The following NELL2 variants were observed in gnomAD, a reference collection of about 807,000 sequenced individuals.
NELL2 encodes neural EGFL like 2.
NELL2 carries 41 observed loss-of-function variants against 109.6 expected under a neutral mutation model. That is an observed-to-expected ratio of 0.37 (90% CI 0.29 to 0.49). The LOEUF (loss-of-function observed/expected upper bound fraction) is 0.49. NELL2 is among the 20% of genes least tolerant of loss of function. The probability of loss-of-function intolerance (pLI) is 0.98; values close to 1 mark genes in which losing one functional copy is unlikely to be tolerated. For synonymous variants in NELL2, 355 were observed against 344.7 expected, an observed-to-expected ratio of 1.03 and a Z score of -0.33; for missense variants, 900 against 1,008.3, an observed-to-expected ratio of 0.89 and a Z score of 1.45.
At position 44,779,676 on chromosome 12, in the gene NELL2, T is replaced by A; in HGVS notation, c.593A>T (p.His198Leu). The change falls in exon 5 of 20, where the codon CAT becomes CTT. Residue 198 changes from histidine (H) to leucine (L), a missense_variant. Coordinates refer to ENST00000429094, the MANE Select transcript of NELL2 (RefSeq NM_001145108.2). Reference protein sequence around the residue: ...TFWLGQRNNAHGYFKGIMQDV... With the variant: ...TFWLGQRNNALGYFKGIMQDV... ...GCCAAAAGATACCTTAAAATATCCA[T>A]GCGCATTATTTCTCTGTCCTAGCCA... The A allele has an allele frequency of 1.9e-6, 3 of 1,613,280 alleles. No individual in the cohort carries two copies. Among genetic ancestry groups the A allele is most frequent in the Non-Finnish European group, 2.5e-6 (3 of 1,179,296 alleles).
chr12:44,826,606 A>G (rs1943718112), intron 2 of NELL2, among the ~76,000 whole-genome samples: 1 of 152,268 alleles, frequency 6.6e-6, no homozygotes, highest in Non-Finnish European at 1.5e-5. Context: ...TTTTGAATAA[A>G]TAGGATTGTT....
At chr12:44,893,394 A>G (rs1945558149) in intron 1 of NELL2, among the ~76,000 whole-genome samples, 4 of 152,228 alleles carry the variant, frequency 2.6e-5, no homozygotes, top group African/African-American at 4.8e-5. Context: ...AGCCAAATTA[A>G]CCCTTAACAT....
At chr12:44,866,072 C>T (rs1372919348) in intron 2 of NELL2, among the ~76,000 whole-genome samples, 1 of 152,120 alleles carries the variant, frequency 6.6e-6, no homozygotes, top group South Asian at 2.1e-4. Context: ...GTCTCTTGCC[C>T]TTCTGCCATG....
chr12:44,838,734 C>G (rs1466701638), intron 2 of NELL2, among the ~76,000 whole-genome samples: 1 of 148,434 alleles, frequency 6.7e-6, no homozygotes, highest in Non-Finnish European at 1.5e-5. Flanking sequence ...TGCCAGATAA[C>G]CAGACATGTC....
chr12:44,889,229 A>G (rs1201267595), intron 1 of NELL2, among the ~76,000 whole-genome samples: 1 of 152,054 alleles, frequency 6.6e-6, no homozygotes, highest in Non-Finnish European at 1.5e-5. Context: ...AATAAGGTTT[A>G]CCAAACAGCA....
chr12:44,799,313 G>C (rs186466181), intron 3 of NELL2, among the ~76,000 whole-genome samples: 2 of 151,954 alleles, frequency 1.3e-5, no homozygotes, highest in Admixed American at 6.6e-5. Flanking sequence ...AATACAGTAA[G>C]ATCCCACTTC....
intron 9 of NELL2, among the ~76,000 whole-genome samples, chr12:44,743,009 C>G (rs1765925210): frequency 2.0e-5 from 3 of 151,900 alleles, no homozygotes; most frequent in Non-Finnish European, 1.5e-5. Context: ...TCAGATTCAC[C>G]AAAGTTGAAA....
chr12:44,902,357 C>T (rs1037858874), intron 1 of NELL2, among the ~76,000 whole-genome samples: 1 of 152,072 alleles, frequency 6.6e-6, no homozygotes, highest in Non-Finnish European at 1.5e-5. Context: ...ATGTGAAGGA[C>T]CTCTTCAAGG....
intron 2 of NELL2, among the ~76,000 whole-genome samples, chr12:44,830,858 A>G (rs1037136781): frequency 6.6e-6 from 1 of 151,984 alleles, no homozygotes; most frequent in Non-Finnish European, 1.5e-5. Context: ...AGGCTTTGAT[A>G]TTCTGTCAGG....
chr12:44,751,523 A>G (rs1357933730), intron 9 of NELL2, among the ~76,000 whole-genome samples: 1 of 152,208 alleles, frequency 6.6e-6, no homozygotes, highest in Non-Finnish European at 1.5e-5. Flanking sequence ...CATTTTCAAA[A>G]AGCATGTCTG....
Position 44,674,900 on chromosome 12 carries a change from G to C in NELL2, c.1319-9291C>G, listed in dbSNP as rs566307365. On this transcript the variant is annotated intron_variant, in intron 12 of 19. Transcript: ENST00000429094. ...TTATTAAGTTTTTTTTAATATATCT[G>C]CTAGCTATGTCCTTTGGAATATAAG... is the stretch of plus-strand genomic sequence containing the variant. Among the ~76,000 whole-genome samples, 20 of 152,240 alleles carry C rather than the reference G, an allele frequency of 1.3e-4. No individual in the cohort carries two copies. The East Asian group carries it at 2.1e-3, about 16-fold the overall frequency.
intron 15 of NELL2, among the ~76,000 whole-genome samples, chr12:44,539,737 T>C (rs1592088590): frequency 6.6e-6 from 1 of 152,228 alleles, no homozygotes; most frequent in African/African-American, 2.4e-5. Context: ...ATTAATTTAA[T>C]GTTTATCTCT....
At chr12:44,789,289 C>T (rs894128183) in intron 3 of NELL2, among the ~76,000 whole-genome samples, 4 of 152,188 alleles carry the variant, frequency 2.6e-5, no homozygotes, top group South Asian at 2.1e-4. Flanking sequence ...AGACGATTCA[C>T]ATCACAGGAC....
intron 9 of NELL2, among the ~76,000 whole-genome samples, chr12:44,744,927 G>C (rs1234940527): frequency 6.6e-6 from 1 of 152,184 alleles, no homozygotes; most frequent in African/African-American, 2.4e-5. Context: ...AATAGAAAAA[G>C]AGGGAATCCT....
intron 13 of NELL2, among the ~76,000 whole-genome samples, chr12:44,618,237 T>C (rs1421394457): frequency 6.6e-6 from 1 of 152,182 alleles, no homozygotes; most frequent in Non-Finnish European, 1.5e-5. Flanking sequence ...TAATTCACTA[T>C]TTAAGTTTCT....
chr12:44,776,987 T>C (rs868521922), intron 7 of NELL2, 55 bp downstream of exon 7: 18 of 1,445,624 alleles, frequency 1.2e-5, no homozygotes, highest in Middle Eastern at 1.7e-4. Context: ...AATGGAAGTA[T>C]TGGGAACATC....
intron 4 of NELL2, 33 bp downstream of exon 4, chr12:44,779,816 T>C: frequency 1.2e-6 from 2 of 1,613,478 alleles, no homozygotes; most frequent in Non-Finnish European, 1.7e-6. Context: ...TCTTAGAATC[T>C]TCCATTTCCT....
chr12:44,875,276 C>CTCCG lies in NELL2; in HGVS notation c.129_132dup (p.Val45ArgfsTer10). ...TTATGCAGCCCCGGGACCTGACGCACTCCGGTCGTGGACTCCCCAAGTTCT... is the reference window on the plus strand; with the variant it reads ...TTATGCAGCCCCGGGACCTGACGCACTCCGTCCGGTCGTGGACTCCCCAAGTTCT... On this transcript the variant is annotated frameshift_variant, in exon 2 of 20. Transcript: ENST00000429094. LOFTEE classifies it high-confidence loss of function. The CTCCG allele has an allele frequency of 6.2e-7, 1 of 1,614,162 alleles. No homozygotes were observed. The highest frequency in any genetic ancestry group is 8.5e-7 in the Non-Finnish European group (1 of 1,180,040).
At chr12:44,591,986 G>C (rs1266130401) in intron 15 of NELL2, among the ~76,000 whole-genome samples, 3 of 152,158 alleles carry the variant, frequency 2.0e-5, no homozygotes, top group Non-Finnish European at 4.4e-5. Context: ...CATGGGAGTT[G>C]AGAGCAAGGC....
Sources: gnomAD v4.1 joint callset for allele counts (sites outside exome capture counted in the v4.1 genomes callset) on GRCh38, gnomAD v4.1.1 for gene constraint, MANE v1.5 for transcripts, NCBI Gene and HGNC (gene_info 2026-07-23, HGNC 2026-07-21) for gene names.